The following AFF3 variants were observed in gnomAD, a reference collection of about 807,000 sequenced individuals.
AFF3 encodes the protein AF4/FMR2 family member 3.
In AFF3, 32 loss-of-function variants were observed where a neutral mutation model predicts 129.7. That is an observed-to-expected ratio of 0.25 (90% confidence interval 0.19 to 0.33). AFF3 has a LOEUF of 0.33. Ranked by LOEUF, AFF3 falls within the 10% of genes least tolerant of loss-of-function variation. AFF3 has a pLI of 1.00. For synonymous variants in AFF3, 644 were observed against 635.4 expected (o/e 1.01, Z -0.20); for missense variants, 1,373 against 1,592.0 (o/e 0.86, Z 2.34).
chr2:100,010,447 G>C (rs866861603), intron 4 of AFF3, among the ~76,000 whole-genome samples: 1 of 152,160 alleles, frequency 6.6e-6, no homozygotes, highest in Non-Finnish European at 1.5e-5. Flanking sequence ...TTCTGGCAAG[G>C]CTGCTGCAGC....
At chr2:99,665,922 G>C (rs1048063645) in intron 12 of AFF3, among the ~76,000 whole-genome samples, 1 of 152,180 alleles carries the variant, frequency 6.6e-6, no homozygotes, top group Non-Finnish European at 1.5e-5. Flanking sequence ...GGACTGAAAA[G>C]AGCCCAGTAT....
At chr2:99,802,978 C>T (rs931588635) in intron 8 of AFF3, among the ~76,000 whole-genome samples, 5 of 152,096 alleles carry the variant, frequency 3.3e-5, no homozygotes, top group East Asian at 1.9e-4. Context: ...GCCCCAGCTA[C>T]GACTTCCAGT....
chr2:99,669,206 A>G (rs1205585358), intron 12 of AFF3, among the ~76,000 whole-genome samples: 1 of 152,238 alleles, frequency 6.6e-6, no homozygotes, highest in Admixed American at 6.5e-5. Context: ...TGTGCTCAAC[A>G]AAAGACCTGT....
At chr2:99,699,103 ACATTTAAATGATGCAAT>A (rs1261809285) in intron 11 of AFF3, among the ~76,000 whole-genome samples, 2 of 152,228 alleles carry the variant, frequency 1.3e-5, no homozygotes, top group African/African-American at 2.4e-5. Context: ...TGTGGATGAG[ACATTTAAATGATGCAAT>A]CATTTTGGGA....
intron 7 of AFF3, among the ~76,000 whole-genome samples, chr2:99,927,820 G>A (rs1195572210): frequency 1.3e-5 from 2 of 152,300 alleles, no homozygotes; most frequent in South Asian, 2.1e-4. Context: ...GCACGTGGGA[G>A]ACTGATATGG....
At chr2:99,701,136 G>A (rs1268582748) in intron 11 of AFF3, among the ~76,000 whole-genome samples, 2 of 152,160 alleles carry the variant, frequency 1.3e-5, no homozygotes, top group East Asian at 3.9e-4. Context: ...AGATGGCAAA[G>A]TGAGGATGTG....
chr2:99,612,506 A>T (rs1200145601), intron 13 of AFF3, among the ~76,000 whole-genome samples: 1 of 152,270 alleles, frequency 6.6e-6, no homozygotes. Flanking sequence ...ATGAGGCTGT[A>T]AAAATGTTAA....
At chr2:100,055,161 C>T (rs993765970) in intron 4 of AFF3, among the ~76,000 whole-genome samples, 1 of 152,122 alleles carries the variant, frequency 6.6e-6, no homozygotes, top group East Asian at 1.9e-4. Context: ...GTGGCCAAAT[C>T]ACCACCTGAC....
intron 4 of AFF3, among the ~76,000 whole-genome samples, chr2:100,049,432 G>C (rs181613336): frequency 1.1e-4 from 17 of 152,302 alleles, no homozygotes; most frequent in Middle Eastern, 6.8e-3. Flanking sequence ...AGGCTAATGA[G>C]ATGTGACAAC....
At chr2:99,591,563 G>A (rs1194784641) in intron 15 of AFF3, among the ~76,000 whole-genome samples, 3 of 152,204 alleles carry the variant, frequency 2.0e-5, no homozygotes, top group Non-Finnish European at 4.4e-5. Flanking sequence ...AGGAGACTGA[G>A]TGCCTTCTCC....
In AFF3 at chr2:99,592,942, C is replaced by CAAA. The variant is rs374523974; in HGVS notation, c.2466+252_2466+253insTTT. Among the ~76,000 whole-genome samples, 113 of 121,746 alleles carry CAAA rather than the reference C, an allele frequency of 9.3e-4. 2 individuals carry two copies. Among genetic ancestry groups the CAAA allele is most frequent in the Non-Finnish European group, 1.5e-3 (88 of 58,764 alleles). The allele number at this position is 121,746 out of a possible 152,430, so 79.9% of individuals were successfully genotyped here. A position where few individuals can be genotyped will look rare whatever the true frequency, so the allele number is the denominator to read the frequency against. The stretch of plus-strand genomic sequence containing the variant: ...CAGAGTGAGACTCCCTCCCCCCCCC[C>CAAA]CAAAAAAAGGGATAATAATGGTACT... On this transcript the variant is annotated intron_variant, in intron 15 of 24. Transcript: ENST00000672756.
At chr2:99,825,403 AC>A (rs1455823185) in intron 8 of AFF3, among the ~76,000 whole-genome samples, 1 of 152,186 alleles carries the variant, frequency 6.6e-6, no homozygotes, top group Non-Finnish European at 1.5e-5. Context: ...TAATTTCACA[AC>A]CCTTAATTTG....
chr2:99,635,036 ATC>A (rs1472335554), intron 13 of AFF3, among the ~76,000 whole-genome samples: 1 of 151,328 alleles, frequency 6.6e-6, no homozygotes, highest in African/African-American at 2.4e-5. Context: ...TATGATATAT[ATC>A]TCTATGTACG....
In AFF3 at chr2:99,931,647, G is replaced by A. The variant is rs564455460; in HGVS notation, c.873+74985C>T. Reference sequence around the variant, plus strand: ...CTATAGGCTGGGTGCAGTGGCTCACGCCTGTAATCCCAGCACCTTGGGAGG... The same window carrying A: ...CTATAGGCTGGGTGCAGTGGCTCACACCTGTAATCCCAGCACCTTGGGAGG... On this transcript the variant is annotated intron_variant, in intron 7 of 24. Transcript: ENST00000672756. Among the ~76,000 whole-genome samples the A allele has an allele frequency of 5.3e-5, 8 of 152,350 alleles. No individual in the cohort carries two copies. The South Asian group carries it at 6.2e-4, about 12-fold the overall frequency.
chr2:99,760,381 T>C (rs565843473), intron 8 of AFF3, among the ~76,000 whole-genome samples: 3 of 152,326 alleles, frequency 2.0e-5, no homozygotes, highest in East Asian at 1.9e-4. Context: ...AGTTTTTTCA[T>C]AGAAACAGAT....
intron 13 of AFF3, among the ~76,000 whole-genome samples, chr2:99,646,541 A>G (rs1478550789): frequency 6.6e-6 from 1 of 152,212 alleles, no homozygotes; most frequent in African/African-American, 2.4e-5. Context: ...GTTTGTGTAA[A>G]TGAATGTATA....
At chr2:99,866,884 G>A (rs1691441224) in intron 7 of AFF3, among the ~76,000 whole-genome samples, 1 of 150,856 alleles carries the variant, frequency 6.6e-6, no homozygotes, top group Non-Finnish European at 1.5e-5. Flanking sequence ...GCTGAGGCAG[G>A]AGAATCACTT....
chr2:99,791,663 G>C (rs1297446426), intron 8 of AFF3, among the ~76,000 whole-genome samples: 2 of 152,092 alleles, frequency 1.3e-5, no homozygotes, highest in African/African-American at 4.8e-5. Context: ...GTGCTTTCCT[G>C]GTCATTCATG....
chr2:99,964,454 A>G (rs1677535684), intron 7 of AFF3, among the ~76,000 whole-genome samples: 1 of 152,180 alleles, frequency 6.6e-6, no homozygotes, highest in Non-Finnish European at 1.5e-5. Context: ...TAACACAAAG[A>G]CAACAGAACA....
Sources: allele counts gnomAD v4.1 joint callset (sites outside exome capture counted in the v4.1 genomes callset), GRCh38; gene constraint gnomAD v4.1.1; transcripts MANE v1.5; gene names NCBI Gene and HGNC (gene_info 2026-07-23, HGNC 2026-07-21).